SUGP2: variants seen among roughly 807,000 people sequenced by gnomAD.
The protein encoded by SUGP2 is SURP and G-patch domain containing 2.
Under a neutral mutation model 90.5 loss-of-function variants are expected in SUGP2, and 24 were observed. The observed-to-expected ratio is 0.27, with a 90% CI of 0.19 to 0.37. SUGP2 has a LOEUF of 0.37. Ranked by LOEUF, SUGP2 falls within the 10% of genes least tolerant of loss-of-function variation. The pLI is 1.00. For missense variants in SUGP2, 1,233 were observed against 1,363.3 expected, an observed-to-expected ratio of 0.90 and a Z score of 1.51; for synonymous variants, 473 against 513.4, an observed-to-expected ratio of 0.92 and a Z score of 1.06.
chr19:19,004,748 A>G (rs2057994323), intron 6 of SUGP2, 102 bp from the exon 7 acceptor site: 1 of 955,078 alleles, frequency 1.0e-6, no homozygotes, highest in Non-Finnish European at 1.6e-6. Context: ...GAGGTGGGAC[A>G]AGGGAAAGAA....
rs2058869257 is a variant in SUGP2 at position 19,025,016 on chromosome 19, A to G, written c.1332T>C (p.Leu444=). The change falls in exon 3 of 11, where the codon CTT becomes CTC. Residue 444 remains leucine, a synonymous_variant. Transcript: ENST00000452918. ...DRLLKSVTPL[L]MACNAYELSV... is the part of the protein sequence containing the mutation. ...TTAGCTCGTAGGCATTGCAGGCCAT[A>G]AGCAAAGGTGTGACACTCTTCAGAA... is the stretch of plus-strand genomic sequence containing the variant. The G allele has an allele frequency of 6.2e-7, 1 of 1,614,162 alleles. No individual in the cohort carries two copies. The highest frequency in any genetic ancestry group is 1.1e-5 in the South Asian group (1 of 91,078).
rs374018938 is a variant in SUGP2 at position 19,004,304 on chromosome 19, G to A, written c.2793C>T (p.Asp931=). Residue 931 remains aspartate, a synonymous_variant, in exon 7 of 11, where the codon GAC becomes GAT. Coordinates refer to ENST00000452918, the MANE Select transcript of SUGP2 (RefSeq NM_001017392.5). ...ACAAGGCAGGTGCTCCAGCCAGGTC[G>A]TCCTCGGCAGCCTCGCCGGGAAGGC... ...ADGLPGEAAE[D]DLAGAPALSQ... is the part of the protein sequence containing the mutation. The A allele has an allele frequency of 2.7e-5, 44 of 1,613,664 alleles. No individual in the cohort carries two copies. The highest frequency in any genetic ancestry group is 6.7e-5 in the African/African-American group (5 of 74,952).
Position 18,994,479 on chromosome 19 carries a change from G to C in SUGP2, c.3136C>G (p.Pro1046Ala), listed in dbSNP as rs1390368559. The stretch of plus-strand genomic sequence containing the variant: ...GCACCCAACCCTTCCCCTTCCGAGG[G>C]GGTTCCCCTAGGGAGTGAAAAAGAG... Reference protein sequence around the residue: ...GIREPVSVGTPSEGEGLGADG... With the variant: ...GIREPVSVGTASEGEGLGADG... Residue 1046 changes from proline to alanine, a missense_variant, in exon 10 of 11, where the codon CCC (proline) becomes GCC (alanine). Physicochemically the swap from Pro to Ala is conservative, Grantham distance 27. Coordinates refer to ENST00000452918, the MANE Select transcript of SUGP2 (RefSeq NM_001017392.5). The C allele has an allele frequency of 3.1e-6, 5 of 1,613,836 alleles. No homozygotes were observed. The highest frequency in any genetic ancestry group is 4.2e-6 in the Non-Finnish European group (5 of 1,179,936).
intron 1 of SUGP2, among the ~76,000 whole-genome samples, chr19:19,032,721 G>A (rs2059224946): frequency 6.6e-6 from 1 of 152,154 alleles, no homozygotes; most frequent in Non-Finnish European, 1.5e-5. Context: ...AGACAGCCCA[G>A]ATTTGAACCT....
Position 19,026,259 on chromosome 19 carries a change from A to C in SUGP2, c.122-33T>G, listed in dbSNP as rs373923922. ...AAACCATCCAAAAAAAAAAAAGAAG[A>C]AGCCAAAAGATACTTTAGACCAGAG... On this transcript the variant is annotated intron_variant, in intron 2 of 10. Coordinates refer to ENST00000452918, the MANE Select transcript of SUGP2 (RefSeq NM_001017392.5). The C allele has an allele frequency of 5.4e-5, 80 of 1,480,674 alleles. No homozygotes were observed. In the African/African-American group the frequency reaches 6.8e-4, roughly 13 times the overall value. 91.7% of individuals were successfully genotyped at this position (1,480,674 alleles called of 1,614,324 possible).
Position 18,991,709 on chromosome 19 carries a change from C to T in SUGP2, c.*2032G>A, listed in dbSNP as rs1422509705. The T allele has an allele frequency of 6.6e-6, 1 of 152,420 alleles. No individual in the cohort carries two copies. The highest frequency in any genetic ancestry group is 2.1e-4 in the South Asian group (1 of 4,834). The allele number at this position is 152,420 out of a possible 1,614,324, so 9.4% of individuals were successfully genotyped here. A position where few individuals can be genotyped will look rare whatever the true frequency, so the allele number is the denominator to read the frequency against. On this transcript the variant is annotated 3_prime_UTR_variant, in exon 11 of 11. Coordinates refer to ENST00000452918, the MANE Select transcript of SUGP2 (RefSeq NM_001017392.5). ...ATGGGCTGAGCCCCGCTTGGAGCTC[C>T]ATCCATTCACCTGACCCATGGCCAA...
intron 7 of SUGP2, among the ~76,000 whole-genome samples, chr19:19,003,074 T>C (rs2057910670): frequency 1.3e-5 from 2 of 152,192 alleles, no homozygotes; most frequent in Non-Finnish European, 2.9e-5. Context: ...CCCGCTAAGC[T>C]GGGATTACAG....
intron 2 of SUGP2, among the ~76,000 whole-genome samples, chr19:19,029,699 G>A (rs529717174): frequency 1.0e-3 from 152 of 151,042 alleles, no homozygotes; most frequent in Non-Finnish European, 1.8e-3. Flanking sequence ...CAGCACTCTG[G>A]GAGGCCGAGG....
chr19:18,996,107 T>C (rs913833742), intron 8 of SUGP2, among the ~76,000 whole-genome samples: 1 of 152,044 alleles, frequency 6.6e-6, no homozygotes, highest in Non-Finnish European at 1.5e-5. Context: ...AGTCAACTTG[T>C]GTGGGTGGGC....
intron 5 of SUGP2, among the ~76,000 whole-genome samples, 158 bp from the exon 6 acceptor site, chr19:19,008,586 G>C (rs1349617423): frequency 6.6e-6 from 1 of 152,216 alleles, no homozygotes; most frequent in Non-Finnish European, 1.5e-5. Flanking sequence ...ACCAAGAAGT[G>C]AACTCTGTGT....
intron 8 of SUGP2, among the ~76,000 whole-genome samples, chr19:19,001,068 T>C (rs1335533309): frequency 6.7e-6 from 1 of 149,676 alleles, no homozygotes; most frequent in Non-Finnish European, 1.5e-5. Context: ...CAGGCTGGAG[T>C]GCAGTGGCGC....
At chr19:18,996,681 T>C (rs2057606335) in intron 8 of SUGP2, among the ~76,000 whole-genome samples, 1 of 152,116 alleles carries the variant, frequency 6.6e-6, no homozygotes, top group Non-Finnish European at 1.5e-5. Flanking sequence ...GCCTCCCGAG[T>C]AGCTGAGATT....
chr19:18,994,283 A>G, intron 10 of SUGP2, 83 bp downstream of exon 10: 1 of 1,550,076 alleles, frequency 6.5e-7, no homozygotes, highest in Non-Finnish European at 8.8e-7. Flanking sequence ...AGCAGGGAAC[A>G]TCAACTTTGT....
At chr19:19,029,946 TAA>T (rs879773514) in intron 2 of SUGP2, among the ~76,000 whole-genome samples, 1 of 133,072 alleles carries the variant, frequency 7.5e-6, no homozygotes, top group Non-Finnish European at 1.7e-5. Context: ...CTGTCTCAAA[TAA>T]AAAAAAAAAA....
At chr19:19,007,581 A>C (rs1467894759) in intron 6 of SUGP2, 6 of 145,178 alleles carry the variant, frequency 4.1e-5, no homozygotes, top group Non-Finnish European at 7.5e-5. Flanking sequence ...GCCTCCCCCG[A>C]GTAGCTGGGA....
intron 3 of SUGP2, among the ~76,000 whole-genome samples, chr19:19,024,003 C>T (rs1180119883): frequency 6.6e-6 from 1 of 152,030 alleles, no homozygotes; most frequent in Non-Finnish European, 1.5e-5. Flanking sequence ...GTACGAATCC[C>T]CCGGATGATA....
chr19:19,032,928 C>T (rs1024515519), intron 1 of SUGP2: 6 of 150,640 alleles, frequency 4.0e-5, no homozygotes, highest in African/African-American at 1.2e-4. Flanking sequence ...CAGTCCCATC[C>T]TTCAGCCCTT....
chr19:19,008,275 TGAGA>T (rs2058165537), intron 6 of SUGP2, 38 bp downstream of exon 6: 1 of 1,486,376 alleles, frequency 6.7e-7, no homozygotes, highest in African/African-American at 1.4e-5. Flanking sequence ...TTTGTCTCTC[TGAGA>T]AAGAAAAAGG....
At chr19:19,028,697 C>T (rs560150483) in intron 2 of SUGP2, among the ~76,000 whole-genome samples, 11 of 152,274 alleles carry the variant, frequency 7.2e-5, no homozygotes, top group Non-Finnish European at 1.5e-4. Context: ...CCACGGCCCC[C>T]TAATCTGTCT....
Sources: gnomAD v4.1 joint callset for allele counts (sites outside exome capture counted in the v4.1 genomes callset) on GRCh38, gnomAD v4.1.1 for gene constraint, MANE v1.5 for transcripts, NCBI Gene and HGNC (gene_info 2026-07-23, HGNC 2026-07-21) for gene names.